The following FOCAD variants were observed in gnomAD, a reference collection of about 807,000 sequenced individuals.
FOCAD encodes KIAA1797.
FOCAD carries 198 observed loss-of-function variants against 225.6 expected under a neutral mutation model. That is an observed-to-expected ratio of 0.88 (90% CI 0.78 to 0.99). The LOEUF (loss-of-function observed/expected upper bound fraction) is 0.99. Among genes scored for constraint, FOCAD ranks in the 50% least tolerant of loss-of-function variants. The probability of loss-of-function intolerance (pLI) is 0.00; values close to 1 mark genes in which losing one functional copy is unlikely to be tolerated. For missense variants in FOCAD, 2,713 were observed against 2,123.6 expected (o/e 1.28, Z -5.46); for synonymous variants, 897 against 755.0 (o/e 1.19, Z -3.08).
At chr9:20,723,480 C>T (rs987559093) in intron 4 of FOCAD, among the ~76,000 whole-genome samples, 16 of 152,160 alleles carry the variant, frequency 1.1e-4, no homozygotes, top group South Asian at 2.1e-4. Context: ...GGTGACAGAG[C>T]GAGACTTGGT....
chr9:20,675,885 C>T (rs1248700407), intron 2 of FOCAD, among the ~76,000 whole-genome samples: 1 of 152,188 alleles, frequency 6.6e-6, no homozygotes, highest in Admixed American at 6.5e-5. Flanking sequence ...ACCAATAGTG[C>T]TCAGTTGCTT....
intron 28 of FOCAD, among the ~76,000 whole-genome samples, chr9:20,942,113 T>C (rs1836721019): frequency 6.6e-6 from 1 of 152,238 alleles, no homozygotes; most frequent in African/African-American, 2.4e-5. Flanking sequence ...CCATAGCATG[T>C]ATATACATAC....
intron 11 of FOCAD, among the ~76,000 whole-genome samples, chr9:20,813,867 C>T (rs1333145970): frequency 6.6e-6 from 1 of 152,088 alleles, no homozygotes; most frequent in African/African-American, 2.4e-5. Context: ...CCATTTTCCC[C>T]TTTGGTTCTG....
chr9:20,946,172 C>A (rs1186972165), intron 29 of FOCAD, among the ~76,000 whole-genome samples: 3 of 152,028 alleles, frequency 2.0e-5, no homozygotes, highest in Non-Finnish European at 4.4e-5. Context: ...ATTAGTATTC[C>A]TATTTTATAC....
In FOCAD at chr9:20,751,838, A is replaced by G. The variant is rs1271002572; in HGVS notation, c.393-6252A>G. 1.6e-4 allele frequency among the ~76,000 whole-genome samples: 23 copies of G among 145,132 alleles called. 1 individual carries two copies. The highest frequency in any genetic ancestry group is 5.8e-4 in the African/African-American group (23 of 39,932). On this transcript the variant is annotated intron_variant, in intron 5 of 43. Coordinates refer to ENST00000338382, the MANE Select transcript of FOCAD (RefSeq NM_001375567.1). ...GCACCTGTTGTTTCCTGACTTTTTA[A>G]TGATTGCCATTCTAACTGGTGTGAG... is the stretch of plus-strand genomic sequence containing the variant.
intron 15 of FOCAD, among the ~76,000 whole-genome samples, chr9:20,860,392 G>A (rs944268855): frequency 1.3e-5 from 2 of 152,172 alleles, no homozygotes; most frequent in African/African-American, 4.8e-5. Flanking sequence ...TGTGGCTGGG[G>A]AAGCCTTACA....
chr9:20,667,541 A>T (rs1009867913), intron 2 of FOCAD, among the ~76,000 whole-genome samples: 1 of 152,224 alleles, frequency 6.6e-6, no homozygotes, highest in Non-Finnish European at 1.5e-5. Context: ...CACATCCCTG[A>T]CAAAGGAATC....
chr9:20,926,698 A>G (rs1024905336), intron 26 of FOCAD, among the ~76,000 whole-genome samples: 1 of 151,686 alleles, frequency 6.6e-6, no homozygotes, highest in African/African-American at 2.4e-5. Flanking sequence ...CAGGAGAATC[A>G]CTTTAACCCG....
intron 1 of FOCAD, among the ~76,000 whole-genome samples, chr9:20,700,254 A>C (rs1170561108): frequency 1.3e-5 from 2 of 152,178 alleles, no homozygotes; most frequent in Non-Finnish European, 1.5e-5. Flanking sequence ...GCACATAGCT[A>C]TGATAAATAA....
At chr9:20,809,278 T>G (rs1822796652) in intron 11 of FOCAD, among the ~76,000 whole-genome samples, 1 of 152,216 alleles carries the variant, frequency 6.6e-6, no homozygotes. Flanking sequence ...AAAAGAACTT[T>G]CTGCTATCAT....
At chr9:20,950,053 T>G (rs1214217759) in intron 33 of FOCAD, among the ~76,000 whole-genome samples, 1 of 152,112 alleles carries the variant, frequency 6.6e-6, no homozygotes. Context: ...GATAAAAGTG[T>G]TTGGGCATAT....
intron 26 of FOCAD, 106 bp from the exon 27 acceptor site, chr9:20,929,252 G>C (rs753856413): frequency 1.1e-5 from 9 of 793,296 alleles, no homozygotes; most frequent in Non-Finnish European, 1.9e-5. Context: ...GGTGTCGGCC[G>C]GGGTGGATCT....
intron 1 of FOCAD, chr9:20,658,510 C>CATTTAGT (rs1458986646): frequency 6.4e-6 from 1 of 156,518 alleles, no homozygotes; most frequent in African/African-American, 2.4e-5. Flanking sequence ...GTCGGAAAAG[C>CATTTAGT]GCAGTATTCG....
intron 4 of FOCAD, among the ~76,000 whole-genome samples, chr9:20,732,096 C>G (rs766272039): frequency 1.1e-4 from 17 of 152,132 alleles, no homozygotes; most frequent in Non-Finnish European, 2.4e-4. Context: ...TTCCCTAATG[C>G]TCTCCTGAGT....
chr9:20,793,303 T>C (rs1778421021), intron 11 of FOCAD, among the ~76,000 whole-genome samples: 1 of 152,322 alleles, frequency 6.6e-6, no homozygotes, highest in African/African-American at 2.4e-5. Context: ...CGTGGCAATA[T>C]GTTTATTTCT....
chr9:20,754,336 C>T (rs951114466), intron 5 of FOCAD, among the ~76,000 whole-genome samples: 5 of 152,138 alleles, frequency 3.3e-5, no homozygotes, highest in Non-Finnish European at 7.4e-5. Flanking sequence ...CCCAAATTAG[C>T]ATGAATATTC....
At chr9:20,958,415 A>G (rs1838396578) in intron 35 of FOCAD, among the ~76,000 whole-genome samples, 1 of 151,834 alleles carries the variant, frequency 6.6e-6, no homozygotes, top group Non-Finnish European at 1.5e-5. Flanking sequence ...AAAATTTTTA[A>G]TTGATGAATA....
intron 35 of FOCAD, among the ~76,000 whole-genome samples, chr9:20,966,227 A>G (rs909498153): frequency 2.0e-5 from 3 of 151,954 alleles, no homozygotes; most frequent in African/African-American, 7.3e-5. Context: ...TTGCCAACTA[A>G]TTGGCTGTGA....
At chr9:20,825,464 A>T (rs1564036549) in intron 15 of FOCAD, among the ~76,000 whole-genome samples, 1 of 152,114 alleles carries the variant, frequency 6.6e-6, no homozygotes, top group African/African-American at 2.4e-5. Flanking sequence ...TTTGGTAATG[A>T]TTTGTCTATC....
Sources: gnomAD v4.1 joint callset for allele counts (sites outside exome capture counted in the v4.1 genomes callset) on GRCh38, gnomAD v4.1.1 for gene constraint, MANE v1.5 for transcripts, NCBI Gene and HGNC (gene_info 2026-07-23, HGNC 2026-07-21) for gene names.